The following FAP variants were observed in gnomAD, a reference collection of about 807,000 sequenced individuals.
The protein encoded by FAP is prolyl endopeptidase FAP.
In FAP, 110 loss-of-function variants were observed where a neutral mutation model predicts 126.5. The ratio of observed to expected loss-of-function variants is 0.87; its 90% CI spans 0.74 to 1.02. The LOEUF (loss-of-function observed/expected upper bound fraction) is 1.02, where lower values mean the gene tolerates loss of function less well. Among genes scored for constraint, FAP ranks in the 50% least tolerant of loss-of-function variants. The probability of loss-of-function intolerance (pLI) is 0.00; values close to 1 mark genes in which losing one functional copy is unlikely to be tolerated. For missense variants in FAP, 919 were observed against 909.2 expected (o/e 1.01, Z -0.14); for synonymous variants, 334 against 297.3 (o/e 1.12, Z -1.27).
intron 2 of FAP, among the ~76,000 whole-genome samples, chr2:162,239,689 G>A (rs1690270989): frequency 6.6e-6 from 1 of 152,198 alleles, no homozygotes; most frequent in South Asian, 2.1e-4. Context: ...CATTTATGAA[G>A]TATTTACTAC....
intron 11 of FAP, among the ~76,000 whole-genome samples, chr2:162,211,995 T>G (rs1016677133): frequency 6.6e-6 from 1 of 152,200 alleles, no homozygotes; most frequent in African/African-American, 2.4e-5. Flanking sequence ...ATGTGTTGCA[T>G]GTATTTATCA....
At chr2:162,203,220 A>G (rs1559776021) in intron 12 of FAP, 75 bp from the exon 13 acceptor site, 1 of 871,474 alleles carries the variant, frequency 1.1e-6, no homozygotes, top group Non-Finnish European at 1.8e-6. Flanking sequence ...TAATATATAA[A>G]AGCGACGTAT....
At chr2:162,207,243 C>T (rs1483763109) in intron 12 of FAP, among the ~76,000 whole-genome samples, 1 of 152,118 alleles carries the variant, frequency 6.6e-6, no homozygotes, top group African/African-American at 2.4e-5. Context: ...CATGTCAGAA[C>T]TTACAAAAGC....
Position 162,225,717 on chromosome 2 carries a change from A to G in FAP, c.191-140T>C. On this transcript the variant is annotated intron_variant, in intron 3 of 25. Transcript: ENST00000188790. ...TACATATTGCTTTGTGATATGTAAAATAGTAAGTTGGTGGTAGAGGAAGAA... is the reference window on the plus strand; with the variant it reads ...TACATATTGCTTTGTGATATGTAAAGTAGTAAGTTGGTGGTAGAGGAAGAA... The G allele has an allele frequency of 3.7e-6, 3 of 805,562 alleles. No individual in the cohort carries two copies. In the South Asian group the frequency reaches 7.1e-5, roughly 19 times the overall value. 49.9% of individuals were successfully genotyped at this position (805,562 alleles called of 1,614,324 possible).
At chr2:162,242,135 AT>A (rs770664054) in intron 2 of FAP, among the ~76,000 whole-genome samples, 1 of 151,888 alleles carries the variant, frequency 6.6e-6, no homozygotes, top group Non-Finnish European at 1.5e-5. Flanking sequence ...TTATTACTGG[AT>A]TTTTTTTCCA....
rs1350901570 is a variant in FAP at position 162,215,998 on chromosome 2, C to T, written c.766G>A (p.Gly256Arg). Residue 256 changes from glycine to arginine, a missense_variant, in exon 10 of 26, where the codon GGA becomes AGA. Gly to Arg is a moderately radical substitution (Grantham distance 125). Transcript: ENST00000188790. ...RTINIPYPKA[G>R]AKNPVVRIFI... is the part of the protein sequence containing the mutation. The stretch of plus-strand genomic sequence containing the variant: ...ATCCGAACAACGGGATTCTTAGCTC[C>T]AGCCTGCCAAGAAAATTGAGATATA... 1.2e-6 allele frequency: 2 copies of T among 1,612,674 alleles called. No homozygotes were observed. The highest frequency in any genetic ancestry group is 2.2e-5 in the South Asian group (2 of 90,954).
intron 14 of FAP, 57 bp from the exon 15 acceptor site, chr2:162,200,676 T>C: frequency 1.3e-6 from 1 of 786,876 alleles, no homozygotes; most frequent in Non-Finnish European, 2.1e-6. Context: ...ATAGGATTGT[T>C]AGTATTAATA....
chr2:162,202,981 G>T (rs760163734), intron 13 of FAP, 39 bp from the exon 14 acceptor site: 1 of 1,599,234 alleles, frequency 6.3e-7, no homozygotes, highest in Non-Finnish European at 8.6e-7. Context: ...GAAACTGAGC[G>T]TTATTTGAGC....
At chr2:162,186,078 T>G in intron 20 of FAP, among the ~76,000 whole-genome samples, 1 of 152,158 alleles carries the variant, frequency 6.6e-6, no homozygotes, top group East Asian at 1.9e-4. Context: ...AAGTTTGATC[T>G]AACAACAATT....
At chr2:162,198,336 G>A (rs533063931) in intron 16 of FAP, 2 of 1,283,978 alleles carry the variant, frequency 1.6e-6, no homozygotes, top group African/African-American at 3.1e-5. Context: ...GGGCAAAGGG[G>A]GCCAAAAGTC....
chr2:162,191,727 C>G (rs1489979247), intron 17 of FAP, among the ~76,000 whole-genome samples: 1 of 152,094 alleles, frequency 6.6e-6, no homozygotes, highest in Non-Finnish European at 1.5e-5. Flanking sequence ...AAGGGCATGT[C>G]ATGAATTGAT....
chr2:162,239,814 T>C (rs532363349), intron 2 of FAP, among the ~76,000 whole-genome samples: 2 of 152,336 alleles, frequency 1.3e-5, no homozygotes, highest in Admixed American at 1.3e-4. Context: ...TTCCTATGAT[T>C]TCTTTCTATA....
intron 20 of FAP, 62 bp downstream of exon 20, chr2:162,188,106 CA>C (rs1184048879): frequency 1.5e-6 from 2 of 1,320,574 alleles, no homozygotes; most frequent in African/African-American, 2.9e-5. Flanking sequence ...AATGGAGAAA[CA>C]CAATAGTGAT....
At chr2:162,184,443 A>T (rs1687795385) in intron 20 of FAP, among the ~76,000 whole-genome samples, 1 of 152,220 alleles carries the variant, frequency 6.6e-6, no homozygotes, top group Non-Finnish European at 1.5e-5. Flanking sequence ...CATTACTTGA[A>T]TAATGTAGTT....
At chr2:162,191,894 C>A (rs13399624) in intron 17 of FAP, among the ~76,000 whole-genome samples, 11,517 of 152,160 alleles carry the variant, frequency 0.076, 1,454 homozygotes, top group African/African-American at 0.26. Context: ...AATGAAGCCA[C>A]TTCACTGTGT....
At chr2:162,211,788 A>G (rs1480818457) in intron 11 of FAP, among the ~76,000 whole-genome samples, 1 of 152,178 alleles carries the variant, frequency 6.6e-6, no homozygotes. Flanking sequence ...AAATCTCACT[A>G]ATATAATTTT....
At chr2:162,207,403 C>T (rs7601089) in intron 12 of FAP, among the ~76,000 whole-genome samples, 10,077 of 152,196 alleles carry the variant, frequency 0.066, 1,128 homozygotes, top group African/African-American at 0.23. Context: ...GAGATTAGTA[C>T]ATAAAAATAA....
At chr2:162,177,448 GCT>G (rs1459918076) in intron 21 of FAP, among the ~76,000 whole-genome samples, 2 of 151,730 alleles carry the variant, frequency 1.3e-5, no homozygotes, top group African/African-American at 4.8e-5. Flanking sequence ...TTGCTCACTG[GCT>G]CTCTTGACGT....
At chr2:162,212,293 T>C (rs886982220) in intron 11 of FAP, among the ~76,000 whole-genome samples, 1 of 152,172 alleles carries the variant, frequency 6.6e-6, no homozygotes, top group Non-Finnish European at 1.5e-5. Context: ...CTAATAAAAT[T>C]AAAGCAATAG....
Sources: allele counts gnomAD v4.1 joint callset (sites outside exome capture counted in the v4.1 genomes callset), GRCh38; gene constraint gnomAD v4.1.1; transcripts MANE v1.5; gene names NCBI Gene and HGNC (gene_info 2026-07-23, HGNC 2026-07-21).